Variants in KIRREL3 observed in about 807,000 individuals in gnomAD.
KIRREL3 encodes kirre like nephrin family adhesion molecule 3.
Under a neutral mutation model 89.7 loss-of-function variants are expected in KIRREL3, and 36 were observed. The ratio of observed to expected loss-of-function variants is 0.40; its 90% CI spans 0.31 to 0.53. KIRREL3 has a LOEUF of 0.53. Ranked by LOEUF, KIRREL3 falls within the 20% of genes least tolerant of loss-of-function variation. The pLI, the probability that KIRREL3 is intolerant of heterozygous loss-of-function variation, is 0.49. For missense variants in KIRREL3, 864 were observed against 1,056.6 expected (o/e 0.82, Z 2.53); for synonymous variants, 445 against 441.4 (o/e 1.01, Z -0.10).
Position 126,970,215 on chromosome 11 carries a change from T to A in KIRREL3, c.55+30240A>T, listed in dbSNP as rs752245488. ...GCTCAGTTAATTCCACTTAAGACAC[T>A]CTTGTTTCCCCGTATTTTTACTCAT... is the stretch of plus-strand genomic sequence containing the variant. On this transcript the variant is annotated intron_variant, in intron 1 of 16. Coordinates refer to ENST00000525144, the MANE Select transcript of KIRREL3 (RefSeq NM_032531.4). This position sits in a 1 kb window ranked among gnomAD's most constrained non-coding sequence, Gnocchi z 4.4. 3.5e-4 allele frequency among the ~76,000 whole-genome samples: 54 copies of A among 152,326 alleles called. No homozygotes were observed. The highest frequency in any genetic ancestry group is 5.3e-4 in the Non-Finnish European group (36 of 68,028).
chr11:126,777,133 T>A (rs965618031), intron 1 of KIRREL3, among the ~76,000 whole-genome samples: 2 of 152,196 alleles, frequency 1.3e-5, no homozygotes, highest in African/African-American at 4.8e-5. Context: ...AGTGTATTGC[T>A]TGCTAATTGC....
At chr11:126,586,991 A>G (rs1175065860) in intron 1 of KIRREL3, among the ~76,000 whole-genome samples, 1 of 152,138 alleles carries the variant, frequency 6.6e-6, no homozygotes, top group African/African-American at 2.4e-5. Context: ...AACACTTACT[A>G]TGGCTAAGCA....
intron 1 of KIRREL3, among the ~76,000 whole-genome samples, chr11:126,974,018 C>T (rs1949503022): frequency 6.6e-6 from 1 of 152,116 alleles, no homozygotes; most frequent in African/African-American, 2.4e-5. Context: ...CTGTGTGCTC[C>T]CTGAGGGCAG....
chr11:126,939,856 G>T (rs959359715), intron 1 of KIRREL3, among the ~76,000 whole-genome samples: 3 of 152,178 alleles, frequency 2.0e-5, no homozygotes, highest in African/African-American at 7.2e-5. Flanking sequence ...TCTCAGAGGT[G>T]TGTCTTCTTT....
At chr11:126,934,236 G>A (rs549731811) in intron 1 of KIRREL3, among the ~76,000 whole-genome samples, 1 of 152,036 alleles carries the variant, frequency 6.6e-6, no homozygotes. Context: ...TCAACAAATG[G>A]TTCTGAAACA....
At position 126,768,090 on chromosome 11, in the gene KIRREL3, A is replaced by G. The variant is rs1949887928; in HGVS notation, c.56-205178T>C. Among the ~76,000 whole-genome samples the G allele has an allele frequency of 6.6e-6, 1 of 152,060 alleles. No individual in the cohort carries two copies. ...TTATCAGCCATTTCTGGCAACTGTC[A>G]TTCATTATTTCATCCATCTGTCCAT... On this transcript the variant is annotated intron_variant, in intron 1 of 16. Transcript: ENST00000525144. The surrounding 1 kb of genome is among the most constrained non-coding windows in gnomAD (Gnocchi z 4.5).
chr11:126,701,669 G>C (rs555893097), intron 1 of KIRREL3, among the ~76,000 whole-genome samples: 1 of 152,084 alleles, frequency 6.6e-6, no homozygotes, highest in Non-Finnish European at 1.5e-5. Context: ...AGAAGGGAGC[G>C]AGGAGGTCAG....
At position 126,456,469 on chromosome 11, in the gene KIRREL3, G is replaced by A. The variant is rs1271810557; in HGVS notation, c.743-15C>T. 6.6e-7 allele frequency: 1 copy of A among 1,521,282 alleles called. No homozygotes were observed. The highest frequency in any genetic ancestry group is 1.9e-5 in the Admixed American group (1 of 51,960). 94.2% of individuals were successfully genotyped at this position (1,521,282 alleles called of 1,614,324 possible). A position where few individuals can be genotyped will look rare whatever the true frequency, so the allele number is the denominator to read the frequency against. On this transcript the variant is annotated splice_polypyrimidine_tract_variant and intron_variant, in intron 6 of 16. Transcript: ENST00000525144. The stretch of plus-strand genomic sequence containing the variant: ...CAGTGGAGGGTCTGCAGGGAGAGGA[G>A]AGTCACTTGTAGACCGGAGAAAGAA...
intron 1 of KIRREL3, among the ~76,000 whole-genome samples, chr11:126,649,447 C>T (rs573097583): frequency 6.6e-6 from 1 of 152,252 alleles, no homozygotes; most frequent in East Asian, 1.9e-4. Flanking sequence ...CTAGTTACTC[C>T]CTAGATAAAA....
intron 1 of KIRREL3, among the ~76,000 whole-genome samples, chr11:126,800,596 C>T (rs1289708568): frequency 6.6e-6 from 1 of 152,204 alleles, no homozygotes; most frequent in Non-Finnish European, 1.5e-5. Context: ...ATATCCTTCT[C>T]TCCTCCCTTT....
rs1039761899 is a variant in KIRREL3 at position 126,574,496 on chromosome 11, T to C, written c.56-11584A>G. On this transcript the variant is annotated intron_variant, in intron 1 of 16. Transcript: ENST00000525144. The surrounding 1 kb of genome is among the most constrained non-coding windows in gnomAD (Gnocchi z 5.3). The stretch of plus-strand genomic sequence containing the variant: ...CACCAGCCATCACTCAATAAGAACA[T>C]GAAAGTTTATTTACCACGAGGCCAG... Among the ~76,000 whole-genome samples, 3 of 152,062 alleles carry C rather than the reference T, an allele frequency of 2.0e-5. No individual in the cohort carries two copies. Among genetic ancestry groups the C allele is most frequent in the African/African-American group, 4.8e-5 (2 of 41,400 alleles).
intron 1 of KIRREL3, chr11:126,988,529 G>C (rs548176120): frequency 1.5e-3 from 225 of 152,840 alleles, no homozygotes; most frequent in African/African-American, 4.3e-3. Context: ...AGAAATACTG[G>C]TGCCTCCACA....
Position 126,424,370 on chromosome 11 carries a change from T to C in KIRREL3, c.*210A>G. ...CACTCAGCCGCAGCCTCTGTCTGTCTCCCCACCCGCCCACCTCTGGCACAC... is the reference window on the plus strand; with the variant it reads ...CACTCAGCCGCAGCCTCTGTCTGTCCCCCCACCCGCCCACCTCTGGCACAC... On this transcript the variant is annotated 3_prime_UTR_variant, in exon 17 of 17. Coordinates refer to ENST00000525144, the MANE Select transcript of KIRREL3 (RefSeq NM_032531.4). The C allele has an allele frequency of 4.1e-6, 2 of 483,208 alleles. No individual in the cohort carries two copies. Among genetic ancestry groups the C allele is most frequent in the South Asian group, 4.1e-5 (2 of 49,160 alleles). The allele number at this position is 483,208 out of a possible 1,614,324, so 29.9% of individuals were successfully genotyped here. A position where few individuals can be genotyped will look rare whatever the true frequency, so the allele number is the denominator to read the frequency against.
Position 126,519,098 on chromosome 11 carries a change from C to T in KIRREL3, c.433+2217G>A, listed in dbSNP as rs1387320580. The stretch of plus-strand genomic sequence containing the variant: ...CCTCTGCCCTCCTTCCGCTGATCTC[C>T]AGACTTGAATAAAACATCTCCCCCA... On this transcript the variant is annotated intron_variant, in intron 4 of 16. Coordinates refer to ENST00000525144, the MANE Select transcript of KIRREL3 (RefSeq NM_032531.4). This position sits in a 1 kb window ranked among gnomAD's most constrained non-coding sequence, Gnocchi z 4.3. Among the ~76,000 whole-genome samples the T allele has an allele frequency of 6.6e-6, 1 of 152,240 alleles. No individual in the cohort carries two copies. Among genetic ancestry groups the T allele is most frequent in the Non-Finnish European group, 1.5e-5 (1 of 68,050 alleles).
intron 1 of KIRREL3, among the ~76,000 whole-genome samples, chr11:126,801,107 A>C (rs1259829038): frequency 1.3e-5 from 2 of 152,214 alleles, no homozygotes; most frequent in African/African-American, 4.8e-5. Flanking sequence ...TGAGTGCTTG[A>C]AAAAGATGTA....
At chr11:126,859,529 G>A (rs1399451923) in intron 1 of KIRREL3, among the ~76,000 whole-genome samples, 2 of 152,122 alleles carry the variant, frequency 1.3e-5, no homozygotes, top group Non-Finnish European at 2.9e-5. Context: ...AGGAGGAGGA[G>A]GAGGGGACCC....
At chr11:126,480,141 AACTTG>A (rs113563457) in intron 4 of KIRREL3, among the ~76,000 whole-genome samples, 17 of 152,228 alleles carry the variant, frequency 1.1e-4, no homozygotes, top group African/African-American at 3.9e-4. Context: ...TGCTGAGCTG[AACTTG>A]ACTTGAGTCG....
rs1229323873 is a variant in KIRREL3, at chr11:126,684,071, G to A, written c.56-121159C>T. ...CACTGTCTGATCTGCTGACAGCCGC[G>A]ACCCTGCCACCTGCTCAGTGGGATG... On this transcript the variant is annotated intron_variant, in intron 1 of 16. Transcript: ENST00000525144. The surrounding 1 kb of genome is among the most constrained non-coding windows in gnomAD (Gnocchi z 4.2). Among the ~76,000 whole-genome samples, 2 of 152,198 alleles carry A rather than the reference G, an allele frequency of 1.3e-5. No individual in the cohort carries two copies. The highest frequency in any genetic ancestry group is 1.9e-4 in the East Asian group (1 of 5,182).
chr11:126,950,239 G>T (rs1251682663), intron 1 of KIRREL3, among the ~76,000 whole-genome samples: 2 of 152,040 alleles, frequency 1.3e-5, no homozygotes, highest in Middle Eastern at 3.2e-3. Context: ...CAGGCATGGT[G>T]GCGAGCACTC....
Sources: gnomAD v4.1 joint callset for allele counts (sites outside exome capture counted in the v4.1 genomes callset) on GRCh38, gnomAD v4.1.1 for gene constraint, Gnocchi (gnomAD v3.1) non-coding constraint, MANE v1.5 for transcripts, NCBI Gene and HGNC (gene_info 2026-07-23, HGNC 2026-07-21) for gene names.